SUCNR1: variants seen among roughly 807,000 people sequenced by gnomAD.
The protein encoded by SUCNR1 is succinate receptor 1, also known as G-protein coupled receptor 91.
Under a neutral mutation model 2.4 loss-of-function variants are expected in SUCNR1, and 5 were observed. That is an observed-to-expected ratio of 2.07 (90% CI 1.08 to 4.36). The LOEUF is 4.36. SUCNR1 is among the 30% of genes most tolerant of loss of function. The pLI is 0.00. For missense variants in SUCNR1, 373 were observed against 399.2 expected (o/e 0.93, Z 0.56); for synonymous variants, 162 against 143.9 (o/e 1.13, Z -0.90).
Position 151,880,820 on chromosome 3 carries a change from G to A in SUCNR1, c.277G>A (p.Val93Met), listed in dbSNP as rs760716171. 1.5e-5 allele frequency: 24 copies of A among 1,614,010 alleles called. No individual in the cohort carries two copies. The highest frequency in any genetic ancestry group is 6.7e-5 in the African/African-American group (5 of 74,902). ...YANGNWIYGD[V>M]LCISNRYVLH... ...CAATGGAAACTGGATATATGGAGAC[G>A]TGCTCTGCATAAGCAACCGATATGT... The change falls in exon 3 of 3, where the codon GTG becomes ATG. Residue 93 changes from valine (V) to methionine (M), a missense_variant. This residue lies in a region of SUCNR1 where 184 missense variants were observed against 162.2 expected (regional missense o/e 1.13). Transcript: ENST00000362032.
rs1299786585 is a variant in SUCNR1 at position 151,884,183 on chromosome 3, A to T, written c.*2635A>T. On this transcript the variant is annotated 3_prime_UTR_variant, in exon 3 of 3. Coordinates refer to ENST00000362032, the MANE Select transcript of SUCNR1 (RefSeq NM_033050.6). ...TTATAAGTGAATGTCTTACAGAACA[A>T]ACTCAAAGTCAATGCTTCTTTTGCA... 6.6e-6 allele frequency: 1 copy of T among 152,252 alleles called. No homozygotes were observed. The highest frequency in any genetic ancestry group is 1.5e-5 in the Non-Finnish European group (1 of 68,034). The allele number at this position is 152,252 out of a possible 1,614,324, so 9.4% of individuals were successfully genotyped here.
chr3:151,877,776 T>TG (rs2108065599), intron 1 of SUCNR1, among the ~76,000 whole-genome samples: 1 of 152,242 alleles, frequency 6.6e-6, no homozygotes, highest in South Asian at 2.1e-4. Context: ...AATTATAGTT[T>TG]GTAAGGCAGA....
chr3:151,881,266 C>G lies in SUCNR1; in HGVS notation c.723C>G (p.Phe241Leu). Residue 241 changes from phenylalanine to leucine, a missense_variant, in exon 3 of 3, where the codon TTC (phenylalanine) becomes TTG (leucine). By Grantham distance (22) the Phe-to-Leu change is conservative. Around this residue, in one of 3 missense-constraint regions of SUCNR1, gnomAD observed 157 missense variants for 178.7 expected, o/e 0.88. Transcript: ENST00000362032. The part of the protein sequence containing the change: ...LNLVIMAVVI[F>L]SVLFTPYHVM... ...TGGTCATCATGGCAGTGGTAATCTT[C>G]TCTGTGCTTTTTACACCCTATCACG... 6.2e-7 allele frequency: 1 copy of G among 1,614,206 alleles called. No individual in the cohort carries two copies. Among genetic ancestry groups the G allele is most frequent in the African/African-American group, 1.3e-5 (1 of 75,054 alleles).
In SUCNR1 at chr3:151,880,790, T is replaced by C. The variant is rs1718067748; in HGVS notation, c.247T>C (p.Tyr83His). 1.2e-6 allele frequency: 2 copies of C among 1,614,034 alleles called. No homozygotes were observed. The highest frequency in any genetic ancestry group is 1.7e-6 in the Non-Finnish European group (2 of 1,180,010). The change falls in exon 3 of 3, where the codon TAT (tyrosine) becomes CAT (histidine). Residue 83 changes from tyrosine (Y) to histidine (H), a missense_variant. Physicochemically the swap from Tyr to His is moderately conservative, Grantham distance 83. This residue lies in a region of SUCNR1 where 184 missense variants were observed against 162.2 expected (regional missense o/e 1.13). Transcript: ENST00000362032. ...LCTLPMLIRS[Y>H]ANGNWIYGDV... ...CACCCTCCCCATGCTGATAAGGAGT[T>C]ATGCCAATGGAAACTGGATATATGG...
Position 151,881,435 on chromosome 3 carries a change from T to C in SUCNR1, c.892T>C (p.Leu298=). 1 of 1,614,158 alleles carries C rather than the reference T, an allele frequency of 6.2e-7. No individual in the cohort carries two copies. The highest frequency in any genetic ancestry group is 8.5e-7 in the Non-Finnish European group (1 of 1,180,020). The change falls in exon 3 of 3, where the codon TTG becomes CTG. Residue 298 remains leucine, a synonymous_variant. Coordinates refer to ENST00000362032, the MANE Select transcript of SUCNR1 (RefSeq NM_033050.6). ...SVINPVFYFL[L]GDHFRDMLMN... is the part of the protein sequence containing the mutation. ...CATCAACCCTGTCTTCTATTTTCTT[T>C]TGGGAGATCACTTCAGGGACATGCT...
chr3:151,879,986 A>G, intron 2 of SUCNR1, 79 bp downstream of exon 2: 4 of 1,172,530 alleles, frequency 3.4e-6, no homozygotes, highest in Middle Eastern at 2.0e-4. Flanking sequence ...TTTCTTTGCT[A>G]TTTGCCAAGC....
intron 1 of SUCNR1, among the ~76,000 whole-genome samples, chr3:151,875,814 C>T (rs989719952): frequency 3.3e-5 from 5 of 152,156 alleles, no homozygotes; most frequent in African/African-American, 7.2e-5. Flanking sequence ...TCTACTCCTT[C>T]CCTACTACTC....
intron 1 of SUCNR1, among the ~76,000 whole-genome samples, chr3:151,878,344 GAGA>G: frequency 6.6e-6 from 1 of 152,086 alleles, no homozygotes; most frequent in Non-Finnish European, 1.5e-5. Flanking sequence ...TGACGATGAG[GAGA>G]AGAATGCTGA....
chr3:151,880,676 G>A lies in SUCNR1; in HGVS notation c.133G>A (p.Val45Ile). 1.2e-6 allele frequency: 2 copies of A among 1,614,038 alleles called. No individual in the cohort carries two copies. Among genetic ancestry groups the A allele is most frequent in the Non-Finnish European group, 1.7e-6 (2 of 1,179,962 alleles). Residue 45 changes from valine to isoleucine, a missense_variant, in exon 3 of 3, where the codon GTT becomes ATT. Physicochemically the swap from Val to Ile is conservative, Grantham distance 29. Around this residue, in one of 3 missense-constraint regions of SUCNR1, gnomAD observed 184 missense variants for 162.2 expected, o/e 1.13. Transcript: ENST00000362032. The part of the protein sequence containing the change: ...VVGVLGNTIV[V>I]YGYIFSLKNW... ...GGGAGTCCTTGGAAATACCATTGTT[G>A]TTTACGGCTACATCTTCTCTCTGAA...
At chr3:151,874,144 A>T (rs1194470370) in intron 1 of SUCNR1, among the ~76,000 whole-genome samples, 857 of 62,600 alleles carry the variant, frequency 0.014, 14 homozygotes, top group East Asian at 0.065. Flanking sequence ...ATATATATAT[A>T]TATTTTTTTT....
At chr3:151,874,375 A>G (rs1216904801) in intron 1 of SUCNR1, among the ~76,000 whole-genome samples, 1 of 151,434 alleles carries the variant, frequency 6.6e-6, no homozygotes, top group Non-Finnish European at 1.5e-5. Context: ...ATGGAGTTTC[A>G]CCATGTTGGT....
chr3:151,875,293 A>G (rs1170899040), intron 1 of SUCNR1, among the ~76,000 whole-genome samples: 1 of 152,090 alleles, frequency 6.6e-6, no homozygotes, highest in East Asian at 1.9e-4. Flanking sequence ...TTCATGAGGG[A>G]ATTTTCTCTT....
At position 151,882,937 on chromosome 3, in the gene SUCNR1, ATGTGAAGGAC is replaced by A. The variant is rs1245542101; in HGVS notation, c.*1390_*1399del. 2 of 152,096 alleles carry A rather than the reference ATGTGAAGGAC, an allele frequency of 1.3e-5. No individual in the cohort carries two copies. Among genetic ancestry groups the A allele is most frequent in the Admixed American group, 1.3e-4 (2 of 15,268 alleles). The allele number at this position is 152,096 out of a possible 1,614,324, so 9.4% of individuals were successfully genotyped here. A position where few individuals can be genotyped will look rare whatever the true frequency, so the allele number is the denominator to read the frequency against. ...TGTCATTAGCTATAAGGAGTGAGTA[ATGTGAAGGAC>A]AAAATAAGCATTATGAATACAGAGA... On this transcript the variant is annotated 3_prime_UTR_variant, in exon 3 of 3. Transcript: ENST00000362032.
In SUCNR1 at chr3:151,880,743, T is replaced by C; in HGVS notation, c.200T>C (p.Val67Ala). Residue 67 changes from valine (V) to alanine (A), a missense_variant, in exon 3 of 3, where the codon GTC becomes GCC. By Grantham distance (64) the Val-to-Ala change is moderately conservative (BLOSUM62 0). This residue lies in a region of SUCNR1 where 184 missense variants were observed against 162.2 expected (regional missense o/e 1.13). Transcript: ENST00000362032. ...AATATTTATCTCTTTAACCTCTCTGTCTCTGACTTAGCTTTTCTGTGCACC... is the reference window on the plus strand; with the variant it reads ...AATATTTATCTCTTTAACCTCTCTGCCTCTGACTTAGCTTTTCTGTGCACC... ...SSNIYLFNLS[V>A]SDLAFLCTLP... The C allele has an allele frequency of 6.2e-7, 1 of 1,614,102 alleles. No homozygotes were observed. The highest frequency in any genetic ancestry group is 1.3e-5 in the African/African-American group (1 of 75,032).
rs142256005 is a variant in SUCNR1, at chr3:151,881,298, G to A, written c.755G>A (p.Arg252Gln). Residue 252 changes from arginine to glutamine, a missense_variant, in exon 3 of 3, where the codon CGG becomes CAG. Physicochemically the swap from Arg to Gln is conservative, Grantham distance 43. Around this residue, in one of 3 missense-constraint regions of SUCNR1, gnomAD observed 157 missense variants for 178.7 expected, o/e 0.88. Transcript: ENST00000362032. The part of the protein sequence containing the change: ...SVLFTPYHVM[R>Q]NVRIASRLGS... ...CTTTTTACACCCTATCACGTCATGC[G>A]GAATGTGAGGATCGCTTCACGCCTG... is the stretch of plus-strand genomic sequence containing the variant. 83 of 1,614,064 alleles carry A rather than the reference G, an allele frequency of 5.1e-5. No individual in the cohort carries two copies. In the African/African-American group the frequency reaches 8.4e-4, roughly 16 times the overall value.
rs1289426850 is a variant in SUCNR1, at chr3:151,880,784, A to T, written c.241A>T (p.Arg81Trp). Residue 81 changes from arginine (R) to tryptophan (W), a missense_variant, in exon 3 of 3, where the codon AGG becomes TGG. Physicochemically the swap from Arg to Trp is moderately radical, Grantham distance 101. Transcript: ENST00000362032. ...TCTGTGCACCCTCCCCATGCTGATAAGGAGTTATGCCAATGGAAACTGGAT... is the reference window on the plus strand; with the variant it reads ...TCTGTGCACCCTCCCCATGCTGATATGGAGTTATGCCAATGGAAACTGGAT... ...AFLCTLPMLI[R>W]SYANGNWIYG... is the part of the protein sequence containing the mutation. 1 of 1,614,142 alleles carries T rather than the reference A, an allele frequency of 6.2e-7. No homozygotes were observed. The highest frequency in any genetic ancestry group is 2.2e-5 in the East Asian group (1 of 44,872).
chr3:151,879,376 A>G (rs931277719), intron 1 of SUCNR1, among the ~76,000 whole-genome samples: 1 of 152,314 alleles, frequency 6.6e-6, no homozygotes, highest in East Asian at 1.9e-4. Flanking sequence ...ACCTAATAGT[A>G]TTAAGAGGCG....
chr3:151,881,225 G>C lies in SUCNR1; in HGVS notation c.682G>C (p.Glu228Gln). The C allele has an allele frequency of 6.2e-7, 1 of 1,614,150 alleles. No individual in the cohort carries two copies. Among genetic ancestry groups the C allele is most frequent in the Non-Finnish European group, 8.5e-7 (1 of 1,180,028 alleles). Reference sequence around the variant, plus strand: ...GCAGGTTGCTACTGCTCTGCCCCTTGAAAAGCCTCTCAACTTGGTCATCAT... The same window carrying C: ...GCAGGTTGCTACTGCTCTGCCCCTTCAAAAGCCTCTCAACTTGGTCATCAT... ...NRQVATALPL[E>Q]KPLNLVIMAV... The change falls in exon 3 of 3, where the codon GAA becomes CAA. Residue 228 changes from glutamate (E) to glutamine (Q), a missense_variant. Physicochemically the swap from Glu to Gln is conservative, Grantham distance 29. Around this residue, in one of 3 missense-constraint regions of SUCNR1, gnomAD observed 157 missense variants for 178.7 expected, o/e 0.88. Coordinates refer to ENST00000362032, the MANE Select transcript of SUCNR1 (RefSeq NM_033050.6).
chr3:151,878,757 A>G (rs1717997171), intron 1 of SUCNR1, among the ~76,000 whole-genome samples: 1 of 152,180 alleles, frequency 6.6e-6, no homozygotes, highest in Non-Finnish European at 1.5e-5. Flanking sequence ...AAAGTAAGTG[A>G]TTAAAAATAA....
Sources: allele counts gnomAD v4.1 joint callset (sites outside exome capture counted in the v4.1 genomes callset), GRCh38; gene constraint gnomAD v4.1.1; regional missense constraint gnomAD v4.1.1; transcripts MANE v1.5; gene names NCBI Gene and HGNC (gene_info 2026-07-23, HGNC 2026-07-21).